The following ABCA4 variants were observed in gnomAD, a reference collection of about 807,000 sequenced individuals.
ABCA4 encodes ATP binding cassette subfamily A member 4, also known as retinal-specific phospholipid-transporting ATPase ABCA4.
In ABCA4, 196 loss-of-function variants were observed where a neutral mutation model predicts 263.7. The observed-to-expected ratio is 0.74, with a 90% CI of 0.66 to 0.84. The LOEUF is 0.84. Ranked by LOEUF, ABCA4 falls within the 40% of genes least tolerant of loss-of-function variation. The pLI is 0.00. For synonymous variants in ABCA4, 1,133 were observed against 1,094.2 expected (o/e 1.04, Z -0.70); for missense variants, 2,792 against 2,855.1 (o/e 0.98, Z 0.50).
chr1:94,087,567 G>A (rs1661865308), intron 6 of ABCA4, among the ~76,000 whole-genome samples: 1 of 152,192 alleles, frequency 6.6e-6, no homozygotes, highest in South Asian at 2.1e-4. Flanking sequence ...TGCTGGAGGA[G>A]GCAGCACAGG....
rs958677055 is a variant in ABCA4, at chr1:94,108,865, C to T, written c.303-149G>A. 4.9e-5 allele frequency: 49 copies of T among 998,226 alleles called. 1 individual carries two copies. The highest frequency in any genetic ancestry group is 2.8e-4 in the South Asian group (19 of 68,046). The allele number at this position is 998,226 out of a possible 1,614,324, so 61.8% of individuals were successfully genotyped here. A position where few individuals can be genotyped will look rare whatever the true frequency, so the allele number is the denominator to read the frequency against. On this transcript the variant is annotated intron_variant, in intron 3 of 49. Transcript: ENST00000370225. ...TCGGCTCACTGCAAGCTCTGCCCCC[C>T]GGGTTCACGCTATTCTCCTGCCTCA...
At chr1:94,100,875 A>G (rs542871695) in intron 5 of ABCA4, among the ~76,000 whole-genome samples, 151 of 152,338 alleles carry the variant, frequency 9.9e-4, no homozygotes, top group African/African-American at 3.5e-3. Flanking sequence ...TTCTGGGAAC[A>G]GTGCTGATAA....
chr1:94,027,875 C>T (rs1034410159), intron 30 of ABCA4, among the ~76,000 whole-genome samples: 1 of 152,194 alleles, frequency 6.6e-6, no homozygotes, highest in African/African-American at 2.4e-5. Flanking sequence ...CAGCTCCTGC[C>T]TTATTGGCTG....
intron 11 of ABCA4, among the ~76,000 whole-genome samples, chr1:94,071,730 C>T (rs1661403890): frequency 6.6e-6 from 1 of 152,214 alleles, no homozygotes; most frequent in East Asian, 1.9e-4. Flanking sequence ...GGACCTCCAC[C>T]CATGACCCCG....
At chr1:94,052,185 C>A (rs550929771) in intron 16 of ABCA4, among the ~76,000 whole-genome samples, 1 of 152,154 alleles carries the variant, frequency 6.6e-6, no homozygotes, top group East Asian at 1.9e-4. Flanking sequence ...ATCTGCCCCC[C>A]GTCACAGATA....
At chr1:94,021,522 C>G in intron 34 of ABCA4, 113 bp from the exon 35 acceptor site, 2 of 1,523,294 alleles carry the variant, frequency 1.3e-6, no homozygotes, top group Non-Finnish European at 9.1e-7. Flanking sequence ...GGAAGACATT[C>G]CTTGCTAGAT....
chr1:93,994,115 C>T (rs887623147), intron 49 of ABCA4, among the ~76,000 whole-genome samples: 15 of 152,208 alleles, frequency 9.9e-5, no homozygotes, highest in African/African-American at 3.6e-4. Context: ...GGAACTGGAA[C>T]AGTGTAAGAA....
Position 94,108,593 on chromosome 1 carries a change from G to C in ABCA4, c.426C>G (p.His142Gln). The C allele has an allele frequency of 6.2e-7, 1 of 1,613,598 alleles. No individual in the cohort carries two copies. The highest frequency in any genetic ancestry group is 8.5e-7 in the Non-Finnish European group (1 of 1,179,996). ...LSQFMDTLRTHPERIAGRGIR... is the reference protein window; with the variant it reads ...LSQFMDTLRTQPERIAGRGIR... ...CATGCTTACCTGCAATTCTCTCCGG[G>C]TGAGTCCGGAGGGTGTCCATGAATT... Residue 142 changes from histidine (H) to glutamine (Q), a missense_variant, in exon 4 of 50, where the codon CAC becomes CAG. Coordinates refer to ENST00000370225, the MANE Select transcript of ABCA4 (RefSeq NM_000350.3).
intron 26 of ABCA4, among the ~76,000 whole-genome samples, chr1:94,033,745 C>T (rs929924584): frequency 4.6e-5 from 7 of 151,822 alleles, no homozygotes; most frequent in East Asian, 2.0e-4. Flanking sequence ...GCCTGGGATG[C>T]GAAGGCTGGG....
rs139451219 is a variant in ABCA4, at chr1:94,105,962, G to A, written c.442+2615C>T. Among the ~76,000 whole-genome samples, 108 of 152,298 alleles carry A rather than the reference G, an allele frequency of 7.1e-4. No individual in the cohort carries two copies. The East Asian group carries it at 0.017, about 23-fold the overall frequency. ...TCTGCCACATTGGCCTGAGGAGTCC[G>A]TGCTCACAGTGAGCAGCGCCCCGGT... On this transcript the variant is annotated intron_variant, in intron 4 of 49. Coordinates refer to ENST00000370225, the MANE Select transcript of ABCA4 (RefSeq NM_000350.3).
chr1:94,075,418 C>T (rs570816126), intron 11 of ABCA4, among the ~76,000 whole-genome samples: 2 of 152,126 alleles, frequency 1.3e-5, no homozygotes, highest in East Asian at 1.9e-4. Context: ...AGTTGGTGAT[C>T]GCTTAGTAGT....
Position 94,011,319 on chromosome 1 carries a change from G to C in ABCA4, c.5527C>G (p.Arg1843Gly), listed in dbSNP as rs62642576. 3.7e-5 allele frequency: 60 copies of C among 1,614,090 alleles called. No individual in the cohort carries two copies. Among genetic ancestry groups the C allele is most frequent in the Non-Finnish European group, 5.0e-5 (59 of 1,180,008 alleles). The part of the protein sequence containing the change: ...LIVFPHFCLG[R>G]GLIDLALSQA... The stretch of plus-strand genomic sequence containing the variant: ...CTCAGTGCAAGGTCAATGAGGCCCC[G>C]GCCCAGGCAGAAGTGGGGGAAGACA... Residue 1843 changes from arginine to glycine, a missense_variant, in exon 39 of 50, where the codon CGG (arginine) becomes GGG (glycine). Coordinates refer to ENST00000370225, the MANE Select transcript of ABCA4 (RefSeq NM_000350.3).
intron 36 of ABCA4, among the ~76,000 whole-genome samples, chr1:94,017,344 T>A (rs1296729424): frequency 3.9e-5 from 6 of 152,190 alleles, no homozygotes. Flanking sequence ...ATCTGTTTGC[T>A]GATACTGCTG....
At chr1:94,046,397 G>GGTT (rs1355689114) in intron 19 of ABCA4, among the ~76,000 whole-genome samples, 1 of 135,842 alleles carries the variant, frequency 7.4e-6, no homozygotes, top group Non-Finnish European at 1.5e-5. Context: ...GGGAGGCGGA[G>GGTT]GTTGCAGTGA....
chr1:94,030,521 T>A lies in ABCA4; in HGVS notation c.4259A>T (p.Asp1420Val). 1 of 1,614,126 alleles carries A rather than the reference T, an allele frequency of 6.2e-7. No homozygotes were observed. The highest frequency in any genetic ancestry group is 8.5e-7 in the Non-Finnish European group (1 of 1,179,988). Residue 1420 changes from aspartate (D) to valine (V), a missense_variant, in exon 29 of 50, where the codon GAT becomes GTT. Coordinates refer to ENST00000370225, the MANE Select transcript of ABCA4 (RefSeq NM_000350.3). ...YGQQYTFFSM[D>V]EPGSEQFTVL... is the part of the protein sequence containing the mutation. The stretch of plus-strand genomic sequence containing the variant: ...CGTGAACTGCTCACTGCCTGGTTCA[T>A]CCATGCTAGACAGAGTGAGACATGT...
intron 11 of ABCA4, among the ~76,000 whole-genome samples, chr1:94,064,790 C>G (rs1265758567): frequency 6.6e-6 from 1 of 152,118 alleles, no homozygotes; most frequent in Non-Finnish European, 1.5e-5. Context: ...TATGAACGAC[C>G]AATGCAGGGC....
Position 94,042,875 on chromosome 1 carries a change from C to A in ABCA4, c.3214G>T (p.Val1072Phe). ...LSGGMQRKLS[V>F]AIAFVGDAKV... ...GCATCTCCCACAAAGGCAATGGCAA[C>A]CGACAGCTTTCTCTGCATGCCACCT... is the stretch of plus-strand genomic sequence containing the variant. The change falls in exon 22 of 50, where the codon GTT becomes TTT. Residue 1072 changes from valine (V) to phenylalanine (F), a missense_variant. By Grantham distance (50) the Val-to-Phe change is conservative. Transcript: ENST00000370225. The A allele has an allele frequency of 6.2e-7, 1 of 1,614,210 alleles. No individual in the cohort carries two copies. The highest frequency in any genetic ancestry group is 8.5e-7 in the Non-Finnish European group (1 of 1,180,048).
In ABCA4 at chr1:94,078,573, C is replaced by CCT; in HGVS notation, c.1356+15_1356+16dup. 2.4e-6 allele frequency: 2 copies of CCT among 847,694 alleles called. No homozygotes were observed. Among genetic ancestry groups the CCT allele is most frequent in the Non-Finnish European group, 1.9e-6 (1 of 537,554 alleles). The allele number at this position is 847,694 out of a possible 1,614,324, so 52.5% of individuals were successfully genotyped here. On this transcript the variant is annotated intron_variant, in intron 10 of 49. Coordinates refer to ENST00000370225, the MANE Select transcript of ABCA4 (RefSeq NM_000350.3). ...CTTCCTCCTCCCCTCCCCTCCCCAT[C>CCT]CTCCAACCCCCCTTACTCTGATCAT...
chr1:94,042,547 T>G (rs1443670556), intron 22 of ABCA4, among the ~76,000 whole-genome samples: 5 of 152,156 alleles, frequency 3.3e-5, no homozygotes, highest in African/African-American at 1.2e-4. Context: ...TTTTGGGAAG[T>G]AGGTTGCATC....
Sources: allele counts gnomAD v4.1 joint callset (sites outside exome capture counted in the v4.1 genomes callset), GRCh38; gene constraint gnomAD v4.1.1; transcripts MANE v1.5; gene names NCBI Gene and HGNC (gene_info 2026-07-23, HGNC 2026-07-21).